The following TRMT112 variants were observed in gnomAD, a reference collection of about 807,000 sequenced individuals.
TRMT112 encodes tRNA methyltransferase activator subunit 11-2, also known as multifunctional methyltransferase subunit TRM112-like protein.
A neutral mutation model predicts 13.8 loss-of-function variants in TRMT112; 9 were observed. The ratio of observed to expected loss-of-function variants is 0.65; its 90% CI spans 0.39 to 1.14. TRMT112 has a LOEUF of 1.14. Among genes scored for constraint, TRMT112 ranks in the 50% most tolerant of loss-of-function variants. The pLI is 0.01. For missense variants in TRMT112, 196 were observed against 165.5 expected (o/e 1.18, Z -1.01); for synonymous variants, 64 against 67.0 (o/e 0.96, Z 0.22).
At chr11:64,317,660 G>A, upstream of TRMT112, 1 of 1,015,552 alleles carries the variant, frequency 9.8e-7, no homozygotes, top group Non-Finnish European at 1.4e-6. Flanking sequence ...GGAACTTCTC[G>A]TGTTTGTGGG....
chr11:64,317,865 C>T (rs553536622), upstream of TRMT112: 5 of 1,118,542 alleles, frequency 4.5e-6, no homozygotes, highest in Non-Finnish European at 5.9e-6. Flanking sequence ...CCTACACAGG[C>T]GCCTAACACC....
At chr11:64,317,666 G>A, upstream of TRMT112, 1 of 986,906 alleles carries the variant, frequency 1.0e-6, no homozygotes, top group Non-Finnish European at 1.5e-6. Context: ...TCTCGTGTTT[G>A]TGGGAGCTGA....
rs761305189 is a variant in TRMT112, at chr11:64,317,517, G to T, written c.10C>A (p.Leu4Ile). 2 of 1,578,580 alleles carry T rather than the reference G, an allele frequency of 1.3e-6. No homozygotes were observed. The highest frequency in any genetic ancestry group is 1.7e-6 in the Non-Finnish European group (2 of 1,157,802). The change falls in exon 1 of 4, where the codon CTT becomes ATT. Residue 4 changes from leucine (L) to isoleucine (I), a missense_variant. Transcript: ENST00000544844. ...TGCGAGCTCAGCAGATTGTGGGTAA[G>T]CAGTTTCATGTCGCCGCACAAACTC... is the stretch of plus-strand genomic sequence containing the variant. MKL[L>I]THNLLSSHVR...
At position 64,317,537 on chromosome 11, in the gene TRMT112, A is replaced by G; in HGVS notation, c.-11T>C. 6.5e-7 allele frequency: 1 copy of G among 1,550,326 alleles called. No individual in the cohort carries two copies. On this transcript the variant is annotated 5_prime_UTR_variant, in exon 1 of 4. Transcript: ENST00000544844. ...GGTAAGCAGTTTCATGTCGCCGCAC[A>G]AACTCTCGCCAGGCCGGAACCGGAA...
At chr11:64,318,051 C>A (rs1225179278), upstream of TRMT112, 3 of 1,435,204 alleles carry the variant, frequency 2.1e-6, no homozygotes, top group Middle Eastern at 2.6e-4. Flanking sequence ...GCAAACGAGG[C>A]GTGGGTCCCG....
At chr11:64,317,919 G>A, upstream of TRMT112, 1 of 1,365,596 alleles carries the variant, frequency 7.3e-7, no homozygotes, top group Non-Finnish European at 9.4e-7. Context: ...CAGAAATACC[G>A]CCCTATCTGT....
upstream of TRMT112, chr11:64,318,201 G>T: frequency 6.2e-7 from 1 of 1,611,090 alleles, no homozygotes; most frequent in South Asian, 1.1e-5. Flanking sequence ...GAGTGGAAGT[G>T]GCCGTGGGGC....
upstream of TRMT112, chr11:64,318,011 T>G (rs2035353149): frequency 7.1e-7 from 1 of 1,411,418 alleles, no homozygotes; most frequent in Non-Finnish European, 9.2e-7. Flanking sequence ...CCGCCCCATT[T>G]GTAGTTGCGT....
At chr11:64,318,111 C>A (rs1003482317), upstream of TRMT112, 1 of 1,517,362 alleles carries the variant, frequency 6.6e-7, no homozygotes, top group Non-Finnish European at 8.8e-7. Flanking sequence ...TGGAGGCGGC[C>A]CAGGCCCGCC....
upstream of TRMT112, chr11:64,317,955 G>A: frequency 7.2e-7 from 1 of 1,384,680 alleles, no homozygotes; most frequent in Non-Finnish European, 9.3e-7. Context: ...AAGCCGAGCC[G>A]CACCTCATTC....
chr11:64,317,567 G>A (rs1308448384), upstream of TRMT112: 2 of 1,496,210 alleles, frequency 1.3e-6, no homozygotes, highest in Middle Eastern at 1.7e-4. Context: ...CCGGAAAAAG[G>A]TCGTCCTCCG....
intron 2 of TRMT112, 24 bp from the exon 3 acceptor site, chr11:64,317,171 T>C: frequency 6.2e-7 from 1 of 1,612,936 alleles, no homozygotes; most frequent in South Asian, 1.1e-5. Flanking sequence ...GCCAAAATTA[T>C]CTCCGGGCAT....
At chr11:64,318,237 G>C (rs562055323), upstream of TRMT112, 2 of 1,611,800 alleles carry the variant, frequency 1.2e-6, no homozygotes, top group African/African-American at 1.3e-5. Flanking sequence ...TGGCGTGTGC[G>C]CCCTGAGACG....
chr11:64,317,030 G>A (rs1238393780), intron 3 of TRMT112, 28 bp downstream of exon 3: 4 of 1,613,706 alleles, frequency 2.5e-6, no homozygotes, highest in Non-Finnish European at 3.4e-6. Flanking sequence ...CAGGTGGCCC[G>A]GGAAGCAAGT....
chr11:64,318,495 T>A, upstream of TRMT112: 1 of 1,389,478 alleles, frequency 7.2e-7, no homozygotes, highest in Non-Finnish European at 9.7e-7. Context: ...ACCCCTCCCC[T>A]CCGCCCGCCC....
rs749022542 is a variant in TRMT112, at chr11:64,317,261, C to T, written c.180+3G>A. ...TATGCTGGGGCGGGGTAAGGATCCTCACGTTATCGGCCGCCTCCAGGAACG... is the reference window on the plus strand; with the variant it reads ...TATGCTGGGGCGGGGTAAGGATCCTTACGTTATCGGCCGCCTCCAGGAACG... On this transcript the variant is annotated splice_donor_region_variant and intron_variant, in intron 2 of 3. Coordinates refer to ENST00000544844, the MANE Select transcript of TRMT112 (RefSeq NM_016404.3). 6.2e-7 allele frequency: 1 copy of T among 1,610,264 alleles called. No individual in the cohort carries two copies. Among genetic ancestry groups the T allele is most frequent in the Non-Finnish European group, 8.5e-7 (1 of 1,176,760 alleles).
At chr11:64,317,706 C>A (rs1356647215), upstream of TRMT112, 17 of 773,020 alleles carry the variant, frequency 2.2e-5, no homozygotes, top group South Asian at 2.3e-4. Context: ...TGTCGGGTCA[C>A]GCGCCGCTAC....
At position 64,316,848 on chromosome 11, in the gene TRMT112, G is replaced by C; in HGVS notation, c.*13C>G. The C allele has an allele frequency of 6.5e-7, 1 of 1,532,196 alleles. No homozygotes were observed. The highest frequency in any genetic ancestry group is 1.4e-5 in the African/African-American group (1 of 73,316). 94.9% of individuals were successfully genotyped at this position (1,532,196 alleles called of 1,614,324 possible). A position where few individuals can be genotyped will look rare whatever the true frequency, so the allele number is the denominator to read the frequency against. ...TACACAGTCATAACAAGAAAAACTG[G>C]CGCCTGGCACAATCAACTCTCAGTT... On this transcript the variant is annotated 3_prime_UTR_variant, in exon 4 of 4. Transcript: ENST00000544844.
Position 64,317,455 on chromosome 11 carries a change from G to A in TRMT112, c.72C>T (p.Arg24=). Residue 24 remains arginine (R), a synonymous_variant, in exon 1 of 4, where the codon CGC becomes CGT. Coordinates refer to ENST00000544844, the MANE Select transcript of TRMT112 (RefSeq NM_016404.3). ...RGVGSRGFPL[R]LQATEVRICP... is the part of the protein sequence containing the mutation. Reference sequence around the variant, plus strand: ...GACTGCCGCCGGCGGGTACCTGGAGGCGCAGGGGGAAGCCACGGGACCCCA... The same window carrying A: ...GACTGCCGCCGGCGGGTACCTGGAGACGCAGGGGGAAGCCACGGGACCCCA... 1 of 1,611,294 alleles carries A rather than the reference G, an allele frequency of 6.2e-7. No individual in the cohort carries two copies. The highest frequency in any genetic ancestry group is 1.7e-4 in the Middle Eastern group (1 of 6,060).
Sources: gnomAD v4.1 joint callset for allele counts on GRCh38, gnomAD v4.1.1 for gene constraint, MANE v1.5 for transcripts, NCBI Gene and HGNC (gene_info 2026-07-23, HGNC 2026-07-21) for gene names.